The following BABAM2 variants were observed in gnomAD, a reference collection of about 807,000 sequenced individuals.
BABAM2 encodes the protein BRISC and BRCA1 A complex member 2, also known as BRISC and BRCA1-A complex member 2.
BABAM2 carries 31 observed loss-of-function variants against 54.7 expected under a neutral mutation model. The ratio of observed to expected loss-of-function variants is 0.57; its 90% CI spans 0.43 to 0.77. The LOEUF (loss-of-function observed/expected upper bound fraction) is 0.77. Ranked by LOEUF, BABAM2 falls within the 30% of genes least tolerant of loss-of-function variation. The pLI, the probability that BABAM2 is intolerant of heterozygous loss-of-function variation, is 0.00. For missense variants in BABAM2, 364 were observed against 455.8 expected (o/e 0.80, Z 1.83); for synonymous variants, 167 against 162.9 (o/e 1.03, Z -0.19).
At chr2:27,951,388 C>T (rs951193088) in intron 3 of BABAM2, among the ~76,000 whole-genome samples, 1 of 151,778 alleles carries the variant, frequency 6.6e-6, no homozygotes, top group African/African-American at 2.4e-5. Context: ...TTTTTTTGAC[C>T]TATGAGTTAT....
chr2:28,315,724 CTCAA>C (rs1394216043), intron 11 of BABAM2, among the ~76,000 whole-genome samples: 1 of 151,342 alleles, frequency 6.6e-6, no homozygotes. Context: ...AACTCCTGGG[CTCAA>C]TCAATCCTCC....
chr2:28,155,558 A>ATGT (rs1672469983), intron 7 of BABAM2, among the ~76,000 whole-genome samples: 1 of 152,174 alleles, frequency 6.6e-6, no homozygotes, highest in Non-Finnish European at 1.5e-5. Context: ...GAGGTAATAA[A>ATGT]TGTAAAAGTG....
intron 5 of BABAM2, among the ~76,000 whole-genome samples, chr2:28,026,885 TA>T (rs1675809593): frequency 9.9e-5 from 4 of 40,270 alleles, no homozygotes; most frequent in African/African-American, 4.5e-4. Context: ...TATATATATA[TA>T]GATATATATA....
intron 3 of BABAM2, among the ~76,000 whole-genome samples, chr2:27,940,297 C>T (rs1573218648): frequency 6.6e-6 from 1 of 152,202 alleles, no homozygotes; most frequent in East Asian, 1.9e-4. Context: ...CCATCCTAGT[C>T]ATACTCTGTA....
At chr2:27,989,303 T>C (rs1320142287) in intron 4 of BABAM2, among the ~76,000 whole-genome samples, 5 of 152,152 alleles carry the variant, frequency 3.3e-5, no homozygotes, top group Non-Finnish European at 7.3e-5. Flanking sequence ...TATTCCAGGC[T>C]AAGTGCCTCA....
At chr2:28,288,782 G>A (rs1687032569) in intron 10 of BABAM2, among the ~76,000 whole-genome samples, 1 of 152,146 alleles carries the variant, frequency 6.6e-6, no homozygotes, top group Non-Finnish European at 1.5e-5. Flanking sequence ...CTTCTGCAGA[G>A]CGGTAACCTC....
intron 4 of BABAM2, among the ~76,000 whole-genome samples, chr2:28,017,484 G>T (rs1335308298): frequency 6.6e-6 from 1 of 152,142 alleles, no homozygotes; most frequent in African/African-American, 2.4e-5. Context: ...CTAAGTTGTA[G>T]AAAGATTTTT....
Position 28,026,860 on chromosome 2 carries a change from AT to A in BABAM2, c.495+1441del, listed in dbSNP as rs1267484950. Among the ~76,000 whole-genome samples the A allele has an allele frequency of 6.0e-5, 5 of 83,076 alleles. 1 individual carries two copies. The East Asian group carries it at 1.1e-3, about 18-fold the overall frequency. The allele number at this position is 83,076 out of a possible 152,430, so 54.5% of individuals were successfully genotyped here. A position where few individuals can be genotyped will look rare whatever the true frequency, so the allele number is the denominator to read the frequency against. On this transcript the variant is annotated intron_variant, in intron 5 of 11. Coordinates refer to ENST00000379624, the MANE Select transcript of BABAM2 (RefSeq NM_199191.3). The stretch of plus-strand genomic sequence containing the variant: ...TATATATAAATATATATTTATATAT[AT>A]AGATATATATATTTATATATATATA...
intron 6 of BABAM2, among the ~76,000 whole-genome samples, chr2:28,115,509 C>T (rs1363477448): frequency 1.3e-5 from 2 of 151,986 alleles, no homozygotes; most frequent in Non-Finnish European, 2.9e-5. Context: ...GCCTGTAGTC[C>T]CAGCTACTCG....
At chr2:27,984,608 G>A (rs1672258269) in intron 3 of BABAM2, among the ~76,000 whole-genome samples, 1 of 151,776 alleles carries the variant, frequency 6.6e-6, no homozygotes, top group Admixed American at 6.6e-5. Context: ...GAGTGACTTT[G>A]CTATGACTTC....
intron 7 of BABAM2, among the ~76,000 whole-genome samples, chr2:28,210,403 T>C (rs1289039271): frequency 1.3e-5 from 2 of 152,172 alleles, no homozygotes; most frequent in African/African-American, 4.8e-5. Context: ...ACCAGAAGAA[T>C]AGAAGAGAGT....
intron 6 of BABAM2, among the ~76,000 whole-genome samples, chr2:28,125,303 A>AT (rs887674314): frequency 7.3e-5 from 11 of 151,190 alleles, no homozygotes; most frequent in Non-Finnish European, 1.5e-4. Context: ...TATTATTATT[A>AT]TTTTTTTTGA....
At chr2:28,142,432 TG>T (rs1345853039) in intron 7 of BABAM2, among the ~76,000 whole-genome samples, 2 of 152,194 alleles carry the variant, frequency 1.3e-5, no homozygotes, top group Non-Finnish European at 2.9e-5. Flanking sequence ...AAATTTCAGC[TG>T]AGCCAAACCA....
At chr2:28,334,473 C>T (rs921833705) in intron 11 of BABAM2, among the ~76,000 whole-genome samples, 2 of 152,244 alleles carry the variant, frequency 1.3e-5, no homozygotes, top group Non-Finnish European at 2.9e-5. Flanking sequence ...CCTTGATGTT[C>T]GTAGCTGTAA....
At chr2:28,306,080 A>C (rs1452445054) in intron 11 of BABAM2, among the ~76,000 whole-genome samples, 2 of 152,190 alleles carry the variant, frequency 1.3e-5, no homozygotes, top group Admixed American at 6.5e-5. Context: ...TTTTGGTCAG[A>C]GATCATAACC....
At chr2:28,336,853 TGA>T (rs1691514311) in intron 11 of BABAM2, among the ~76,000 whole-genome samples, 1 of 152,254 alleles carries the variant, frequency 6.6e-6, no homozygotes, top group Non-Finnish European at 1.5e-5. Context: ...GGATCCCCGG[TGA>T]GTGCTCGTGC....
At chr2:27,968,521 C>T (rs1484459833) in intron 3 of BABAM2, among the ~76,000 whole-genome samples, 1 of 152,224 alleles carries the variant, frequency 6.6e-6, no homozygotes, top group East Asian at 1.9e-4. Context: ...GGAGCCCCCA[C>T]ACAGAGTTCC....
At chr2:28,139,321 CAAAAAAAAAAAAAA>C (rs768755922) in intron 7 of BABAM2, among the ~76,000 whole-genome samples, 3 of 87,090 alleles carry the variant, frequency 3.4e-5, no homozygotes, top group African/African-American at 1.7e-4. Flanking sequence ...AACTCCGTCT[CAAAAAAAAAAAAAA>C]AAAAAAAAAA....
At chr2:28,233,768 C>G (rs1343303027) in intron 7 of BABAM2, among the ~76,000 whole-genome samples, 1 of 152,218 alleles carries the variant, frequency 6.6e-6, no homozygotes, top group Non-Finnish European at 1.5e-5. Flanking sequence ...CCAAGTCATT[C>G]AGAATCAGAC....
Sources: allele counts gnomAD v4.1 joint callset (sites outside exome capture counted in the v4.1 genomes callset), GRCh38; gene constraint gnomAD v4.1.1; transcripts MANE v1.5; gene names NCBI Gene and HGNC (gene_info 2026-07-23, HGNC 2026-07-21).